Variants in PTPRT observed in about 807,000 individuals in gnomAD.
PTPRT encodes the protein protein tyrosine phosphatase receptor type T.
Under a neutral mutation model 176.8 loss-of-function variants are expected in PTPRT, and 56 were observed. The observed-to-expected ratio is 0.32, with a 90% CI of 0.26 to 0.40. The LOEUF (loss-of-function observed/expected upper bound fraction) is 0.40. Ranked by LOEUF, PTPRT falls within the 10% of genes least tolerant of loss-of-function variation. The pLI is 1.00. For synonymous variants in PTPRT, 783 were observed against 739.0 expected, an observed-to-expected ratio of 1.06 and a Z score of -0.96; for missense variants, 1,540 against 1,908.2, an observed-to-expected ratio of 0.81 and a Z score of 3.60.
rs141102699 is a variant in PTPRT, at chr20:42,935,699, G to A, written c.89-49767C>T. On this transcript the variant is annotated intron_variant, in intron 1 of 30. Transcript: ENST00000373187. ...GTCTGCTATGGACCAAACATTTCTC[G>A]TCTAGTCCGGTCTAGTCTAGTCCAG... 6.1e-4 allele frequency among the ~76,000 whole-genome samples: 93 copies of A among 152,138 alleles called. 1 individual carries two copies. The highest frequency in any genetic ancestry group is 2.0e-3 in the African/African-American group (85 of 41,494).
At chr20:42,224,587 G>T (rs1373285112) in intron 15 of PTPRT, among the ~76,000 whole-genome samples, 1 of 152,192 alleles carries the variant, frequency 6.6e-6, no homozygotes, top group Non-Finnish European at 1.5e-5. Flanking sequence ...GCCTTTATTT[G>T]ATAGCCCTGG....
chr20:42,739,936 G>A (rs999205351), intron 6 of PTPRT, among the ~76,000 whole-genome samples: 2 of 152,138 alleles, frequency 1.3e-5, no homozygotes, highest in African/African-American at 4.8e-5. Flanking sequence ...AAGGGCTCTT[G>A]TCTCACTTTG....
chr20:42,230,245 C>A (rs1230216285), intron 15 of PTPRT, among the ~76,000 whole-genome samples: 1 of 152,110 alleles, frequency 6.6e-6, no homozygotes, highest in African/African-American at 2.4e-5. Context: ...AGAAACCAGC[C>A]CAGGTCACGG....
chr20:42,925,865 G>T (rs1979449683), intron 1 of PTPRT, among the ~76,000 whole-genome samples: 1 of 152,334 alleles, frequency 6.6e-6, no homozygotes, highest in East Asian at 1.9e-4. Context: ...ATACCTACAA[G>T]GAGCTGTCAA....
At chr20:42,596,912 T>C (rs1023874012) in intron 7 of PTPRT, among the ~76,000 whole-genome samples, 6 of 152,220 alleles carry the variant, frequency 3.9e-5, no homozygotes, top group African/African-American at 1.4e-4. Context: ...AAGGCAATTT[T>C]CCTACATTGT....
At chr20:42,771,365 G>T in intron 5 of PTPRT, 70 bp downstream of exon 5, 1 of 1,362,678 alleles carries the variant, frequency 7.3e-7, no homozygotes, top group Non-Finnish European at 1.0e-6. Context: ...CCATAGAGCT[G>T]CTTCCTTCCA....
intron 11 of PTPRT, among the ~76,000 whole-genome samples, chr20:42,327,055 G>A (rs914713630): frequency 6.6e-6 from 1 of 150,862 alleles, no homozygotes; most frequent in South Asian, 2.1e-4. Context: ...TAGAGTATGA[G>A]TTAAATAAAA....
chr20:42,055,086 TA>T, the PTPRT span, among the ~76,000 whole-genome samples: 105 of 149,840 alleles, frequency 7.0e-4, no homozygotes, highest in African/African-American at 2.0e-3. Flanking sequence ...TAAAGTATAA[TA>T]AAAAAAAAAG....
intron 7 of PTPRT, among the ~76,000 whole-genome samples, chr20:42,478,571 T>C (rs528702576): frequency 3.9e-5 from 6 of 152,270 alleles, no homozygotes; most frequent in African/African-American, 9.6e-5. Flanking sequence ...CAAGGGATTA[T>C]AAATGCCTTC....
intron 12 of PTPRT, among the ~76,000 whole-genome samples, chr20:42,303,202 A>G (rs1287658249): frequency 1.2e-4 from 19 of 152,214 alleles, no homozygotes; most frequent in Admixed American, 1.2e-3. Context: ...AGATCCATTG[A>G]GCTGTAATTA....
rs998002058 is a variant in PTPRT at position 42,970,272 on chromosome 20, C to G, written c.89-84340G>C. ...AATCTCAGGATATAGACCTGTGTTT[C>G]AAATCAAGAGTCAAACACAACAATA... is the stretch of plus-strand genomic sequence containing the variant. On this transcript the variant is annotated intron_variant, in intron 1 of 30. Coordinates refer to ENST00000373187, the MANE Select transcript of PTPRT (RefSeq NM_007050.6). Among the ~76,000 whole-genome samples the G allele has an allele frequency of 8.5e-5, 13 of 152,156 alleles. 1 individual carries two copies. Among genetic ancestry groups the G allele is most frequent in the Admixed American group, 7.9e-4 (12 of 15,278 alleles).
At chr20:42,565,379 C>T (rs918446584) in intron 7 of PTPRT, among the ~76,000 whole-genome samples, 2 of 152,178 alleles carry the variant, frequency 1.3e-5, no homozygotes, top group African/African-American at 2.4e-5. Context: ...AATTATATTC[C>T]ATCCGGCCAG....
chr20:42,098,397 G>GGGCTT, intron 27 of PTPRT, 24 bp downstream of exon 27: 2 of 1,613,308 alleles, frequency 1.2e-6, no homozygotes, highest in Non-Finnish European at 1.7e-6. Context: ...GACCCACCTA[G>GGGCTT]GGCTTGGCTT....
At chr20:42,327,694 C>T (rs992144027) in intron 11 of PTPRT, among the ~76,000 whole-genome samples, 2 of 151,936 alleles carry the variant, frequency 1.3e-5, no homozygotes, top group African/African-American at 4.8e-5. Context: ...TTGCAATATC[C>T]TGTAGGTTTG....
intron 9 of PTPRT, among the ~76,000 whole-genome samples, chr20:42,413,736 A>G (rs188445981): frequency 5.6e-4 from 86 of 152,306 alleles, no homozygotes; most frequent in Non-Finnish European, 9.0e-4. Context: ...GGCTCACCCT[A>G]CAAGGCATTC....
chr20:42,536,775 G>C (rs2072484404), intron 7 of PTPRT, among the ~76,000 whole-genome samples: 1 of 152,092 alleles, frequency 6.6e-6, no homozygotes, highest in African/African-American at 2.4e-5. Context: ...GTAATATTAA[G>C]TGTCAAAAAA....
intron 1 of PTPRT, among the ~76,000 whole-genome samples, chr20:43,084,051 T>A (rs1234015479): frequency 6.6e-6 from 1 of 152,230 alleles, no homozygotes; most frequent in Non-Finnish European, 1.5e-5. Flanking sequence ...TGATGGATAT[T>A]TGGACTGTTT....
In PTPRT at chr20:42,431,427, T is replaced by A. The variant is rs188432441; in HGVS notation, c.1560+16793A>T. Among the ~76,000 whole-genome samples the A allele has an allele frequency of 7.3e-4, 111 of 152,290 alleles. 1 individual carries two copies. The highest frequency in any genetic ancestry group is 4.1e-3 in the Admixed American group (62 of 15,296). ...TATACACTAATGGACAATTATGCCA[T>A]CATTAAAAAAGATGAACTATTTCCA... On this transcript the variant is annotated intron_variant, in intron 9 of 30. Coordinates refer to ENST00000373187, the MANE Select transcript of PTPRT (RefSeq NM_007050.6).
At chr20:42,815,920 T>C (rs887873347) in intron 2 of PTPRT, among the ~76,000 whole-genome samples, 2 of 152,254 alleles carry the variant, frequency 1.3e-5, no homozygotes, top group African/African-American at 4.8e-5. Context: ...TGGGAAATTA[T>C]ATGAGAATGT....
Sources: gnomAD v4.1 joint callset for allele counts (sites outside exome capture counted in the v4.1 genomes callset) on GRCh38, gnomAD v4.1.1 for gene constraint, MANE v1.5 for transcripts, NCBI Gene and HGNC (gene_info 2026-07-23, HGNC 2026-07-21) for gene names.